ITPK1: variants seen among roughly 807,000 people sequenced by gnomAD.
ITPK1 encodes inositol-tetrakisphosphate 1-kinase.
Under a neutral mutation model 45.3 loss-of-function variants are expected in ITPK1, and 21 were observed. That is an observed-to-expected ratio of 0.46 (90% confidence interval 0.33 to 0.67). ITPK1 has a LOEUF of 0.67. Ranked by LOEUF, ITPK1 falls within the 30% of genes least tolerant of loss-of-function variation. The probability of loss-of-function intolerance (pLI) is 0.02; values close to 1 mark genes in which losing one functional copy is unlikely to be tolerated. For missense variants in ITPK1, 474 were observed against 573.5 expected (o/e 0.83, Z 1.77); for synonymous variants, 258 against 253.6 (o/e 1.02, Z -0.16).
At chr14:92,963,331 C>T (rs935310665) in intron 5 of ITPK1, among the ~76,000 whole-genome samples, 1 of 152,164 alleles carries the variant, frequency 6.6e-6, no homozygotes, top group Non-Finnish European at 1.5e-5. Context: ...ATGCGTCTGG[C>T]GCTGTACCGA....
Position 93,076,535 on chromosome 14 carries a change from A to G in ITPK1, c.120+60T>C. On this transcript the variant is annotated intron_variant, in intron 3 of 10. Coordinates refer to ENST00000267615, the MANE Select transcript of ITPK1 (RefSeq NM_014216.6). The surrounding 1 kb of genome is among the most constrained non-coding windows in gnomAD (Gnocchi z 4.3). ...TGCTGGAGGAGAGAAGGAGAGACAG[A>G]GAGGTGGGCACCAAGGGCCCCACTA... 1 of 1,570,278 alleles carries G rather than the reference A, an allele frequency of 6.4e-7. No homozygotes were observed. The highest frequency in any genetic ancestry group is 8.8e-7 in the Non-Finnish European group (1 of 1,140,504).
chr14:92,969,299 G>A (rs567920117), intron 5 of ITPK1, among the ~76,000 whole-genome samples: 123 of 152,072 alleles, frequency 8.1e-4, no homozygotes, highest in African/African-American at 2.6e-3. Flanking sequence ...GCCGGAGCTG[G>A]CAGGGAAACA....
Position 92,940,480 on chromosome 14 carries a change from C to T in ITPK1, c.*1081G>A, listed in dbSNP as rs981096731. The T allele has an allele frequency of 2.7e-6, 3 of 1,121,822 alleles. No homozygotes were observed. Among genetic ancestry groups the T allele is most frequent in the African/African-American group, 3.3e-5 (2 of 60,068 alleles). 69.5% of individuals were successfully genotyped at this position (1,121,822 alleles called of 1,614,324 possible). A position where few individuals can be genotyped will look rare whatever the true frequency, so the allele number is the denominator to read the frequency against. On this transcript the variant is annotated 3_prime_UTR_variant, in exon 11 of 11. Transcript: ENST00000267615. ...GGTGGCTCCCTGGCACCTGCTGGCT[C>T]AGTGCTTGGGGCTTGCAATGAGAGG...
At position 92,941,397 on chromosome 14, in the gene ITPK1, C is replaced by T; in HGVS notation, c.*164G>A. The T allele has an allele frequency of 1.4e-6, 2 of 1,419,674 alleles. No individual in the cohort carries two copies. The highest frequency in any genetic ancestry group is 3.1e-5 in the South Asian group (2 of 65,120). The allele number at this position is 1,419,674 out of a possible 1,614,324, so 87.9% of individuals were successfully genotyped here. A position where few individuals can be genotyped will look rare whatever the true frequency, so the allele number is the denominator to read the frequency against. ...ACCTGGTACTCTCTTCCATCCCCCA[C>T]TACCCCTCATTTAGATCATGACATC... On this transcript the variant is annotated 3_prime_UTR_variant, in exon 11 of 11. Coordinates refer to ENST00000267615, the MANE Select transcript of ITPK1 (RefSeq NM_014216.6).
chr14:92,938,650 C>T lies in ITPK1; in HGVS notation c.*2911G>A, dbSNP rs1041553497. Reference sequence around the variant, plus strand: ...GCCAGGTTGCAGCTGGGTCCAATCCCGCCGGCCATGCTGGGTGACTGCAGG... The same window carrying T: ...GCCAGGTTGCAGCTGGGTCCAATCCTGCCGGCCATGCTGGGTGACTGCAGG... On this transcript the variant is annotated 3_prime_UTR_variant, in exon 11 of 11. Transcript: ENST00000267615. The T allele has an allele frequency of 3.9e-5, 30 of 774,396 alleles. No homozygotes were observed. In the African/African-American group the frequency reaches 4.1e-4, roughly 11 times the overall value. The allele number at this position is 774,396 out of a possible 1,614,324, so 48.0% of individuals were successfully genotyped here. A position where few individuals can be genotyped will look rare whatever the true frequency, so the allele number is the denominator to read the frequency against.
At chr14:93,066,694 G>T (rs954973787) in intron 3 of ITPK1, among the ~76,000 whole-genome samples, 1 of 152,122 alleles carries the variant, frequency 6.6e-6, no homozygotes, top group East Asian at 1.9e-4. Flanking sequence ...GTGAGCCACT[G>T]CACCCACCTG....
intron 4 of ITPK1, among the ~76,000 whole-genome samples, chr14:92,999,797 T>C (rs774041015): frequency 2.0e-5 from 3 of 152,216 alleles, no homozygotes; most frequent in Non-Finnish European, 4.4e-5. Context: ...TACGATGCAA[T>C]TTACCCCAAA....
In ITPK1 at chr14:93,025,005, G is replaced by A. The variant is rs995286880; in HGVS notation, c.121-8204C>T. Among the ~76,000 whole-genome samples the A allele has an allele frequency of 8.5e-5, 13 of 152,282 alleles. No homozygotes were observed. In the East Asian group the frequency reaches 2.1e-3, roughly 25 times the overall value. On this transcript the variant is annotated intron_variant, in intron 3 of 10. Coordinates refer to ENST00000267615, the MANE Select transcript of ITPK1 (RefSeq NM_014216.6). ...GCAGGGAAGCACCCACAAGCACAGC[G>A]TCAACAACCCAGACTTGCCCCAGTT...
chr14:92,947,986 A>G (rs1289297493), intron 9 of ITPK1, among the ~76,000 whole-genome samples: 1 of 152,240 alleles, frequency 6.6e-6, no homozygotes, highest in Non-Finnish European at 1.5e-5. Context: ...TGGTCTATCC[A>G]TACGACGGAA....
intron 2 of ITPK1, among the ~76,000 whole-genome samples, chr14:93,093,679 T>C (rs994343208): frequency 2.6e-5 from 4 of 152,162 alleles, no homozygotes; most frequent in Admixed American, 6.5e-5. Flanking sequence ...ACCGGCCCCA[T>C]ACAGACAACA....
At chr14:92,983,454 C>A (rs1327996423) in intron 5 of ITPK1, among the ~76,000 whole-genome samples, 1 of 152,180 alleles carries the variant, frequency 6.6e-6, no homozygotes, top group Non-Finnish European at 1.5e-5. Context: ...CAATTTTTAA[C>A]AATGGGACAA....
chr14:93,098,140 G>A (rs928012900), intron 2 of ITPK1, among the ~76,000 whole-genome samples: 1 of 152,066 alleles, frequency 6.6e-6, no homozygotes, highest in African/African-American at 2.4e-5. Flanking sequence ...CCAACATGGT[G>A]AAACCCTGTC....
At chr14:93,072,286 G>C (rs1215058836) in intron 3 of ITPK1, 1 of 148,278 alleles carries the variant, frequency 6.7e-6, no homozygotes, top group East Asian at 2.0e-4. Context: ...TGGGCGACAA[G>C]AGCGAGACTC....
At chr14:93,061,435 A>G (rs1890519291) in intron 3 of ITPK1, among the ~76,000 whole-genome samples, 1 of 152,184 alleles carries the variant, frequency 6.6e-6, no homozygotes, top group African/African-American at 2.4e-5. Flanking sequence ...AGAAAAGTCC[A>G]TGGGCACAGC....
intron 5 of ITPK1, among the ~76,000 whole-genome samples, chr14:92,983,637 G>T (rs1886334239): frequency 6.6e-6 from 1 of 152,108 alleles, no homozygotes; most frequent in Non-Finnish European, 1.5e-5. Flanking sequence ...AATCGAGGTG[G>T]GTACGGCTTC....
At chr14:93,091,909 G>A (rs1258656747) in intron 2 of ITPK1, among the ~76,000 whole-genome samples, 2 of 152,174 alleles carry the variant, frequency 1.3e-5, no homozygotes, top group African/African-American at 2.4e-5. Flanking sequence ...CTGGCAGGCC[G>A]GGTGCACTCG....
At chr14:93,102,247 G>A (rs1892348747) in intron 2 of ITPK1, among the ~76,000 whole-genome samples, 1 of 152,236 alleles carries the variant, frequency 6.6e-6, no homozygotes, top group South Asian at 2.1e-4. Flanking sequence ...AGAGGATGGG[G>A]CACCCAAATC....
chr14:93,088,767 G>A (rs1891753470), intron 2 of ITPK1, among the ~76,000 whole-genome samples: 1 of 152,156 alleles, frequency 6.6e-6, no homozygotes, highest in African/African-American at 2.4e-5. Flanking sequence ...AGAGTGCTGG[G>A]ATTACAGATG....
chr14:92,979,818 C>CT lies in ITPK1; in HGVS notation c.364+14061dup, dbSNP rs34155349. ...CTCTCAGGTAGGTTTTTTTTAATCCCTTTTTTTTTTTTGGAGACAGAGTCT... is the reference window on the plus strand; with the variant it reads ...CTCTCAGGTAGGTTTTTTTTAATCCCTTTTTTTTTTTTTGGAGACAGAGTCT... On this transcript the variant is annotated intron_variant, in intron 5 of 10. Transcript: ENST00000267615. 3.5e-3 allele frequency among the ~76,000 whole-genome samples: 506 copies of CT among 144,714 alleles called. 4 individuals carry two copies. The highest frequency in any genetic ancestry group is 9.0e-3 in the African/African-American group (355 of 39,592). 94.9% of individuals were successfully genotyped at this position (144,714 alleles called of 152,430 possible).
Sources: gnomAD v4.1 joint callset for allele counts (sites outside exome capture counted in the v4.1 genomes callset) on GRCh38, gnomAD v4.1.1 for gene constraint, Gnocchi (gnomAD v3.1) non-coding constraint, MANE v1.5 for transcripts, NCBI Gene and HGNC (gene_info 2026-07-23, HGNC 2026-07-21) for gene names.